GPC6: variants seen among roughly 807,000 people sequenced by gnomAD.
GPC6 encodes glypican-6.
Under a neutral mutation model 55.2 loss-of-function variants are expected in GPC6, and 14 were observed. The ratio of observed to expected loss-of-function variants is 0.25; its 90% CI spans 0.17 to 0.40. The LOEUF is 0.40. Ranked by LOEUF, GPC6 falls within the 10% of genes least tolerant of loss-of-function variation. The pLI, the probability that GPC6 is intolerant of heterozygous loss-of-function variation, is 1.00. For synonymous variants in GPC6, 278 were observed against 259.6 expected (o/e 1.07, Z -0.68); for missense variants, 641 against 708.5 (o/e 0.90, Z 1.08).
intron 2 of GPC6, among the ~76,000 whole-genome samples, chr13:93,671,621 T>TG (rs1262794092): frequency 2.6e-5 from 4 of 151,818 alleles, no homozygotes; most frequent in South Asian, 2.1e-4. Context: ...GGGTTTTTTT[T>TG]GGGTTCTCTG....
chr13:93,343,232 C>A (rs1294973657), intron 1 of GPC6, among the ~76,000 whole-genome samples: 1 of 151,644 alleles, frequency 6.6e-6, no homozygotes, highest in Non-Finnish European at 1.5e-5. Flanking sequence ...TTTACATAAC[C>A]CGGAATAATT....
intron 1 of GPC6, among the ~76,000 whole-genome samples, chr13:93,500,063 A>G (rs913291052): frequency 6.6e-6 from 1 of 152,124 alleles, no homozygotes; most frequent in African/African-American, 2.4e-5. Context: ...CCTGCTTGTC[A>G]TTCCCTCTGT....
At chr13:94,280,355 T>C (rs1393087458) in intron 4 of GPC6, among the ~76,000 whole-genome samples, 1 of 152,208 alleles carries the variant, frequency 6.6e-6, no homozygotes, top group East Asian at 1.9e-4. Context: ...ATTGGCCCTC[T>C]TTCCGGGTCA....
chr13:93,248,808 G>A (rs1275906405), intron 1 of GPC6, among the ~76,000 whole-genome samples: 1 of 152,160 alleles, frequency 6.6e-6, no homozygotes, highest in African/African-American at 2.4e-5. Flanking sequence ...TGATTTTCAC[G>A]GCTCATGACA....
At chr13:93,564,991 C>G (rs75046672) in intron 2 of GPC6, among the ~76,000 whole-genome samples, 206 of 152,206 alleles carry the variant, frequency 1.4e-3, no homozygotes, top group African/African-American at 4.8e-3. Flanking sequence ...AAAAAGAAAA[C>G]AAAAAACATT....
At chr13:93,265,320 G>A (rs1214981433) in intron 1 of GPC6, among the ~76,000 whole-genome samples, 1 of 152,084 alleles carries the variant, frequency 6.6e-6, no homozygotes, top group East Asian at 1.9e-4. Context: ...ATATATTCAA[G>A]TTGAGCATCC....
chr13:93,232,987 A>AG (rs1277108479), intron 1 of GPC6, among the ~76,000 whole-genome samples: 5 of 152,194 alleles, frequency 3.3e-5, no homozygotes, highest in African/African-American at 1.2e-4. Context: ...AAAGGCCAGT[A>AG]AGGTGATTTA....
At chr13:94,193,468 A>G (rs1037487913) in intron 4 of GPC6, among the ~76,000 whole-genome samples, 5 of 152,152 alleles carry the variant, frequency 3.3e-5, no homozygotes, top group African/African-American at 7.2e-5. Flanking sequence ...GGCAAAAATA[A>G]AAATTTCTAA....
intron 2 of GPC6, among the ~76,000 whole-genome samples, chr13:93,602,308 G>A (rs1878050125): frequency 6.6e-6 from 1 of 152,080 alleles, no homozygotes; most frequent in South Asian, 2.1e-4. Context: ...ACTGTTTTGG[G>A]TACAAATTGA....
chr13:93,456,519 A>C (rs1382704498), intron 1 of GPC6, among the ~76,000 whole-genome samples: 1 of 151,874 alleles, frequency 6.6e-6, no homozygotes, highest in Non-Finnish European at 1.5e-5. Context: ...TTCTGCTTGA[A>C]ACAATAGATA....
chr13:93,325,727 AAAAG>A (rs929060325), intron 1 of GPC6, among the ~76,000 whole-genome samples: 26 of 152,228 alleles, frequency 1.7e-4, no homozygotes, highest in African/African-American at 4.8e-4. Flanking sequence ...ACAAAAAGAA[AAAAG>A]AAAGAGAGAA....
At chr13:93,687,743 C>G (rs1882101278) in intron 2 of GPC6, among the ~76,000 whole-genome samples, 1 of 151,810 alleles carries the variant, frequency 6.6e-6, no homozygotes, top group Non-Finnish European at 1.5e-5. Flanking sequence ...CTAGTTTTAC[C>G]AAACCTATCA....
At chr13:93,261,945 C>T (rs1445510940) in intron 1 of GPC6, among the ~76,000 whole-genome samples, 1 of 151,816 alleles carries the variant, frequency 6.6e-6, no homozygotes. Flanking sequence ...CACACACACA[C>T]ACACACACAC....
At chr13:94,072,857 G>C (rs1306352053) in intron 4 of GPC6, among the ~76,000 whole-genome samples, 2 of 152,182 alleles carry the variant, frequency 1.3e-5, no homozygotes, top group South Asian at 4.1e-4. Context: ...GACTAGAGGG[G>C]TGATGCCCAC....
rs200134455 is a variant in GPC6, at chr13:93,228,365, C to T, written c.160+749C>T. 3.1e-4 allele frequency among the ~76,000 whole-genome samples: 47 copies of T among 152,326 alleles called. 1 individual carries two copies. The East Asian group carries it at 8.3e-3, about 27-fold the overall frequency. On this transcript the variant is annotated intron_variant, in intron 1 of 8. Coordinates refer to ENST00000377047, the MANE Select transcript of GPC6 (RefSeq NM_005708.5). Reference sequence around the variant, plus strand: ...CTGCCACCCGGTCTGGAGCCGGCCTCGTCTGCCAGCGAACAGCCAACTTTA... The same window carrying T: ...CTGCCACCCGGTCTGGAGCCGGCCTTGTCTGCCAGCGAACAGCCAACTTTA...
chr13:94,061,630 C>T (rs1311667147), intron 4 of GPC6, among the ~76,000 whole-genome samples: 2 of 151,962 alleles, frequency 1.3e-5, no homozygotes, highest in African/African-American at 4.8e-5. Context: ...AGAAGGAGCA[C>T]TGTGTTACTG....
chr13:93,253,654 TTGATATAAA>T (rs1876859526), intron 1 of GPC6, among the ~76,000 whole-genome samples: 1 of 152,104 alleles, frequency 6.6e-6, no homozygotes. Flanking sequence ...TAATTGTTCT[TTGATATAAA>T]TGGATGAACC....
chr13:93,704,674 T>TA (rs1882785281), intron 2 of GPC6, among the ~76,000 whole-genome samples: 1 of 151,946 alleles, frequency 6.6e-6, no homozygotes, highest in Non-Finnish European at 1.5e-5. Flanking sequence ...GAAAAGTTGT[T>TA]ACAGAACCAA....
intron 7 of GPC6, among the ~76,000 whole-genome samples, chr13:94,393,270 A>C (rs1438880587): frequency 6.6e-6 from 1 of 152,134 alleles, no homozygotes; most frequent in Non-Finnish European, 1.5e-5. Flanking sequence ...TGCAATCCAC[A>C]ATCAAACATA....
Sources: gnomAD v4.1 joint callset for allele counts (sites outside exome capture counted in the v4.1 genomes callset) on GRCh38, gnomAD v4.1.1 for gene constraint, MANE v1.5 for transcripts, NCBI Gene and HGNC (gene_info 2026-07-23, HGNC 2026-07-21) for gene names.